XKR9: variants seen among roughly 807,000 people sequenced by gnomAD.
The protein encoded by XKR9 is XK-related protein 9.
Under a neutral mutation model 32.0 loss-of-function variants are expected in XKR9, and 32 were observed. That is an observed-to-expected ratio of 1.00 (90% CI 0.76 to 1.34). The LOEUF is 1.34. Ranked by LOEUF, XKR9 falls within the 40% of genes most tolerant of loss-of-function variation. The pLI is 0.00. For synonymous variants in XKR9, 168 were observed against 143.4 expected, an observed-to-expected ratio of 1.17 and a Z score of -1.22; for missense variants, 546 against 429.7, an observed-to-expected ratio of 1.27 and a Z score of -2.39.
the XKR9 span, among the ~76,000 whole-genome samples, chr8:70,991,912 A>C: frequency 2.4e-5 from 1 of 41,000 alleles, no homozygotes; most frequent in African/African-American, 1.0e-4. Flanking sequence ...TGTCTTTGTT[A>C]CCTGTTGACT....
At chr8:71,022,103 G>T in the XKR9 span, among the ~76,000 whole-genome samples, 65,877 of 152,100 alleles carry the variant, frequency 0.43, 15,321 homozygotes, top group Non-Finnish European at 0.53. Flanking sequence ...CCATTCCACA[G>T]TGCTTGTTTT....
chr8:70,819,038 C>T, the XKR9 span, among the ~76,000 whole-genome samples: 1 of 152,116 alleles, frequency 6.6e-6, no homozygotes, highest in Non-Finnish European at 1.5e-5. Context: ...TGGTTAAAAT[C>T]ACACCATTTC....
chr8:70,733,928 AGTT>A lies in XKR9; in HGVS notation c.630_632del (p.Leu210del), dbSNP rs756476432. 2.5e-6 allele frequency: 4 copies of A among 1,612,826 alleles called. No homozygotes were observed. Among genetic ancestry groups the A allele is most frequent in the East Asian group, 2.2e-5 (1 of 44,830 alleles). ...CCCAAAATCACATATCTCTTTTACAAGTTGTTTACATTATTATCGTGGATGCTG... is the reference window on the plus strand; with the variant it reads ...CCCAAAATCACATATCTCTTTTACAAGTTTACATTATTATCGTGGATGCTG... On this transcript the variant is annotated inframe_deletion, in exon 5 of 5. Transcript: ENST00000408926.
chr8:70,690,348 G>A (rs1819468103), intron 3 of XKR9, among the ~76,000 whole-genome samples: 1 of 151,552 alleles, frequency 6.6e-6, no homozygotes, highest in Non-Finnish European at 1.5e-5. Context: ...CTTGTTTTTT[G>A]GAGATAGAGT....
At chr8:70,946,246 C>T in the XKR9 span, among the ~76,000 whole-genome samples, 2 of 152,190 alleles carry the variant, frequency 1.3e-5, no homozygotes, top group Non-Finnish European at 2.9e-5. Flanking sequence ...GCAGCAGACA[C>T]TATAGATATG....
the XKR9 span, among the ~76,000 whole-genome samples, chr8:70,813,703 C>T: frequency 6.6e-6 from 1 of 152,198 alleles, no homozygotes. Flanking sequence ...TTCTCTTCAT[C>T]ACTGGCCGTC....
chr8:70,888,075 A>C, the XKR9 span, among the ~76,000 whole-genome samples: 2 of 151,770 alleles, frequency 1.3e-5, no homozygotes, highest in Non-Finnish European at 3.0e-5. Context: ...AGAACATTCA[A>C]AATTCATTCT....
At chr8:70,750,480 G>A (rs1243264241) in intron 2 of XKR9, among the ~76,000 whole-genome samples, 1 of 152,122 alleles carries the variant, frequency 6.6e-6, no homozygotes, top group Non-Finnish European at 1.5e-5. Context: ...TAACTGATTG[G>A]TTACCACTCC....
intron 2 of XKR9, among the ~76,000 whole-genome samples, chr8:70,762,676 G>A (rs1807324380): frequency 6.6e-6 from 1 of 152,148 alleles, no homozygotes; most frequent in South Asian, 2.1e-4. Flanking sequence ...AATATATAAA[G>A]AGGTTAGTTT....
chr8:71,037,711 C>T, the XKR9 span, among the ~76,000 whole-genome samples: 2 of 152,144 alleles, frequency 1.3e-5, no homozygotes, highest in African/African-American at 2.4e-5. Flanking sequence ...GAAGTTAAAA[C>T]ATTTTGAGGT....
At chr8:70,699,076 G>T (rs908831365) in intron 3 of XKR9, among the ~76,000 whole-genome samples, 1 of 152,080 alleles carries the variant, frequency 6.6e-6, no homozygotes, top group African/African-American at 2.4e-5. Flanking sequence ...GCCTATGTGT[G>T]TCTCTGCACG....
chr8:70,896,225 T>G, the XKR9 span, among the ~76,000 whole-genome samples: 1 of 152,188 alleles, frequency 6.6e-6, no homozygotes, highest in South Asian at 2.1e-4. Context: ...CCTCATAAAA[T>G]GAGTTGGGAA....
chr8:70,683,640 A>G (rs1393503211), intron 3 of XKR9: 10 of 402,224 alleles, frequency 2.5e-5, no homozygotes, highest in Non-Finnish European at 4.9e-5. Context: ...GGCATGTGCC[A>G]TGACACTTGG....
the XKR9 span, among the ~76,000 whole-genome samples, chr8:70,800,072 G>A: frequency 1.3e-5 from 2 of 152,164 alleles, no homozygotes; most frequent in Non-Finnish European, 2.9e-5. Context: ...TAACATGAAG[G>A]AATGTTTAAT....
the XKR9 span, among the ~76,000 whole-genome samples, chr8:70,799,499 T>G: frequency 6.6e-6 from 1 of 151,936 alleles, no homozygotes; most frequent in African/African-American, 2.4e-5. Flanking sequence ...CCCAGCTAAT[T>G]TTTTTGTATT....
At chr8:70,928,060 A>C in the XKR9 span, among the ~76,000 whole-genome samples, 3 of 152,318 alleles carry the variant, frequency 2.0e-5, no homozygotes, top group African/African-American at 7.2e-5. Flanking sequence ...GTGTGTGTTT[A>C]GAAACAGGGT....
chr8:70,754,519 A>G (rs931596325), intron 2 of XKR9, among the ~76,000 whole-genome samples: 1 of 143,630 alleles, frequency 7.0e-6, no homozygotes, highest in Admixed American at 7.9e-5. Context: ...AAACTATACT[A>G]TAAGGCTACA....
the XKR9 span, among the ~76,000 whole-genome samples, chr8:70,867,143 C>A: frequency 1.5e-4 from 23 of 152,148 alleles, no homozygotes; most frequent in Non-Finnish European, 2.5e-4. Flanking sequence ...CAAGGAGGAG[C>A]AAGTCACATC....
rs139157785 is a variant in XKR9, at chr8:70,722,935, G to A, written c.494-10861G>A. Among the ~76,000 whole-genome samples, 1,369 of 152,028 alleles carry A rather than the reference G, an allele frequency of 9.0e-3. 9 individuals are homozygous for A. Among genetic ancestry groups the A allele is most frequent in the Middle Eastern group, 0.051 (15 of 294 alleles). ...CTCTTCATCATTTTCAGATACACCA[G>A]TGAATCGTAGGTTTGGTCTTTTCAC... On this transcript the variant is annotated intron_variant, in intron 4 of 4. Transcript: ENST00000408926.
Sources: gnomAD v4.1 joint callset for allele counts (sites outside exome capture counted in the v4.1 genomes callset) on GRCh38, gnomAD v4.1.1 for gene constraint, MANE v1.5 for transcripts, NCBI Gene and HGNC (gene_info 2026-07-23, HGNC 2026-07-21) for gene names.